The following USP21 variants were observed in gnomAD, a reference collection of about 807,000 sequenced individuals.
USP21 encodes ubiquitin specific peptidase 21.
Under a neutral mutation model 70.8 loss-of-function variants are expected in USP21, and 37 were observed. That is an observed-to-expected ratio of 0.52 (90% CI 0.40 to 0.69). USP21 has a LOEUF of 0.69. Among genes scored for constraint, USP21 ranks in the 30% least tolerant of loss-of-function variants. The pLI is 0.00. For missense variants in USP21, 584 were observed against 740.8 expected (o/e 0.79, Z 2.46); for synonymous variants, 263 against 283.1 (o/e 0.93, Z 0.71).
Position 161,161,403 on chromosome 1 carries a change from T to C in USP21, c.600+163T>C. On this transcript the variant is annotated intron_variant, in intron 3 of 13. Coordinates refer to ENST00000368002, the MANE Select transcript of USP21 (RefSeq NM_001014443.3). This position sits in a 1 kb window ranked among gnomAD's most constrained non-coding sequence, Gnocchi z 4.2. Reference sequence around the variant, plus strand: ...CTTGCTTAAATACCCTTGAGCCTCCTAGACCCTTTTTTGGGTTGTTGGTGA... The same window carrying C: ...CTTGCTTAAATACCCTTGAGCCTCCCAGACCCTTTTTTGGGTTGTTGGTGA... 1 of 898,546 alleles carries C rather than the reference T, an allele frequency of 1.1e-6. No individual in the cohort carries two copies. The highest frequency in any genetic ancestry group is 1.6e-6 in the Non-Finnish European group (1 of 612,666). 55.7% of individuals were successfully genotyped at this position (898,546 alleles called of 1,614,324 possible).
Position 161,164,562 on chromosome 1 carries a change from G to T in USP21, c.1334G>T (p.Arg445Leu). ...TGTGACCGATGTCGGCAGAAAACTC[G>T]AAGTACCAAAAAGTTGACAGTACAA... ...PVCDRCRQKT[R>L]STKKLTVQRF... Residue 445 changes from arginine to leucine, a missense_variant, in exon 11 of 14, where the codon CGA becomes CTA. By Grantham distance (102) the Arg-to-Leu change is moderately radical. This residue lies in a region of USP21 where 173 missense variants were observed against 268.2 expected (regional missense o/e 0.65). Transcript: ENST00000368002. The surrounding 1 kb of genome is among the most constrained non-coding windows in gnomAD (Gnocchi z 4.2). 1 of 1,614,140 alleles carries T rather than the reference G, an allele frequency of 6.2e-7. No homozygotes were observed. The highest frequency in any genetic ancestry group is 1.1e-5 in the South Asian group (1 of 91,086).
chr1:161,164,258 G>A lies in USP21; in HGVS notation c.1305+8G>A. 1 of 1,613,866 alleles carries A rather than the reference G, an allele frequency of 6.2e-7. No homozygotes were observed. Among genetic ancestry groups the A allele is most frequent in the Non-Finnish European group, 8.5e-7 (1 of 1,179,758 alleles). On this transcript the variant is annotated splice_region_variant and intron_variant, in intron 10 of 13. Transcript: ENST00000368002. The surrounding 1 kb of genome is among the most constrained non-coding windows in gnomAD (Gnocchi z 4.2). ...GAGTCGGAGAATGCCCCAGTATGTG[G>A]AGGTTCACAAGGGATACAGTAAGGG...
rs1031113402 is a variant in USP21, at chr1:161,159,603, A to AC, written c.-237dup. 1 of 149,418 alleles carries AC rather than the reference A, an allele frequency of 6.7e-6. No individual in the cohort carries two copies. Among genetic ancestry groups the AC allele is most frequent in the Non-Finnish European group, 1.5e-5 (1 of 67,654 alleles). The allele number at this position is 149,418 out of a possible 1,614,324, so 9.3% of individuals were successfully genotyped here. ...GCAGCCGGGCCCACGGGGGGGCTGC[A>AC]CGGGGGTAGTAGGGGGTGGCCCTGA... On this transcript the variant is annotated 5_prime_UTR_variant, in exon 1 of 14. An upstream open reading frame in the 5' UTR gains an earlier in-frame stop. Transcript: ENST00000368002.
chr1:161,162,576 A>T lies in USP21; in HGVS notation c.782-39A>T, dbSNP rs1252519945. 1 of 1,566,668 alleles carries T rather than the reference A, an allele frequency of 6.4e-7. No individual in the cohort carries two copies. Among genetic ancestry groups the T allele is most frequent in the Admixed American group, 1.7e-5 (1 of 59,680 alleles). ...CACCTTTTGCTTGCCTCTTCCAGAC[A>T]TTAACCTTTGTTTGCCTTCCCCACT... On this transcript the variant is annotated intron_variant, in intron 5 of 13. Transcript: ENST00000368002. The surrounding 1 kb of genome is among the most constrained non-coding windows in gnomAD (Gnocchi z 4.1).
rs1181881199 is a variant in USP21 at position 161,161,149 on chromosome 1, T to C, written c.509T>C (p.Phe170Ser). ...LGGFPGPPTL[F>S]SIRTEPPASH... ...GGCTTTCCTGGACCCCCTACCCTGT[T>C]CAGCATACGGACAGAGCCCCCTGCT... The change falls in exon 3 of 14, where the codon TTC becomes TCC. Residue 170 changes from phenylalanine to serine, a missense_variant. Around this residue, in one of 4 missense-constraint regions of USP21, gnomAD observed 284 missense variants for 281.0 expected, o/e 1.01. Coordinates refer to ENST00000368002, the MANE Select transcript of USP21 (RefSeq NM_001014443.3). This position sits in a 1 kb window ranked among gnomAD's most constrained non-coding sequence, Gnocchi z 4.2. 1 of 1,614,054 alleles carries C rather than the reference T, an allele frequency of 6.2e-7. No homozygotes were observed. The highest frequency in any genetic ancestry group is 1.1e-5 in the South Asian group (1 of 91,086).
Position 161,161,141 on chromosome 1 carries a change from T to C in USP21, c.501T>C (p.Pro167=), listed in dbSNP as rs369956021. 5.3e-5 allele frequency: 85 copies of C among 1,613,946 alleles called. No homozygotes were observed. The highest frequency in any genetic ancestry group is 7.2e-5 in the Non-Finnish European group (85 of 1,179,942). ...LRRLGGFPGP[P]TLFSIRTEPP... ...GCCTAGGGGGCTTTCCTGGACCCCC[T>C]ACCCTGTTCAGCATACGGACAGAGC... Residue 167 remains proline (P), a synonymous_variant, in exon 3 of 14, where the codon CCT becomes CCC. Coordinates refer to ENST00000368002, the MANE Select transcript of USP21 (RefSeq NM_001014443.3). The surrounding 1 kb of genome is among the most constrained non-coding windows in gnomAD (Gnocchi z 4.2).
At chr1:161,160,323 C>T (rs1250499762) in intron 1 of USP21, 43 bp from the exon 2 acceptor site, 1 of 384,502 alleles carries the variant, frequency 2.6e-6, no homozygotes, top group African/African-American at 2.0e-5. Context: ...TTTGTTTACC[C>T]AATAGATACT....
Position 161,165,530 on chromosome 1 carries a change from T to G in USP21, c.*83T>G. 1 of 527,300 alleles carries G rather than the reference T, an allele frequency of 1.9e-6. No individual in the cohort carries two copies. Among genetic ancestry groups the G allele is most frequent in the Non-Finnish European group, 3.0e-6 (1 of 329,188 alleles). 32.7% of individuals were successfully genotyped at this position (527,300 alleles called of 1,614,324 possible). ...CCGTTTACCTCAGAGACGTCTATTT[T>G]TGTGTCTTTTTAATCGGGGAGGGGG... On this transcript the variant is annotated 3_prime_UTR_variant, in exon 14 of 14. Transcript: ENST00000368002.
rs549204442 is a variant in USP21, at chr1:161,164,516, T to C, written c.1306-18T>C. The C allele has an allele frequency of 1.2e-5, 20 of 1,614,006 alleles. No individual in the cohort carries two copies. The highest frequency in any genetic ancestry group is 1.7e-5 in the Non-Finnish European group (20 of 1,180,034). On this transcript the variant is annotated intron_variant, in intron 10 of 13. Coordinates refer to ENST00000368002, the MANE Select transcript of USP21 (RefSeq NM_001014443.3). This position sits in a 1 kb window ranked among gnomAD's most constrained non-coding sequence, Gnocchi z 4.2. ...GGTTAGGAGCATATTAACCTAACAC[T>C]GTTTGCCATTTATTCAGGTGTGTGA...
In USP21 at chr1:161,164,641, C is replaced by T; in HGVS notation, c.1384+29C>T. 1 of 1,613,900 alleles carries T rather than the reference C, an allele frequency of 6.2e-7. No homozygotes were observed. Among genetic ancestry groups the T allele is most frequent in the South Asian group, 1.1e-5 (1 of 91,068 alleles). On this transcript the variant is annotated intron_variant, in intron 11 of 13. Transcript: ENST00000368002. This position sits in a 1 kb window ranked among gnomAD's most constrained non-coding sequence, Gnocchi z 4.2. ...TCCTAATCTTCAGATTCTTACTTCTCTTAGGATACCTCCCATACATTCTCT... is the reference window on the plus strand; with the variant it reads ...TCCTAATCTTCAGATTCTTACTTCTTTTAGGATACCTCCCATACATTCTCT...
chr1:161,160,629 G>A lies in USP21; in HGVS notation c.-12G>A, dbSNP rs1657830273. Reference sequence around the variant, plus strand: ...TCTCTTCTCCTCCCAGGTCCAGCCTGTGGTGTCCACAATGCCCCAGGCCTC... The same window carrying A: ...TCTCTTCTCCTCCCAGGTCCAGCCTATGGTGTCCACAATGCCCCAGGCCTC... On this transcript the variant is annotated 5_prime_UTR_variant, in exon 3 of 14. It adds an upstream start codon to the 5' untranslated region. Coordinates refer to ENST00000368002, the MANE Select transcript of USP21 (RefSeq NM_001014443.3). 2 of 1,608,646 alleles carry A rather than the reference G, an allele frequency of 1.2e-6. No homozygotes were observed. Among genetic ancestry groups the A allele is most frequent in the Admixed American group, 1.7e-5 (1 of 59,804 alleles).
chr1:161,164,489 G>A lies in USP21; in HGVS notation c.1306-45G>A. On this transcript the variant is annotated intron_variant, in intron 10 of 13. Transcript: ENST00000368002. The surrounding 1 kb of genome is among the most constrained non-coding windows in gnomAD (Gnocchi z 4.2). ...GATCGGGGTGTCAGAAAAGCCAATT[G>A]AGGTTAGGAGCATATTAACCTAACA... is the stretch of plus-strand genomic sequence containing the variant. 1.2e-6 allele frequency: 2 copies of A among 1,610,792 alleles called. No homozygotes were observed. Among genetic ancestry groups the A allele is most frequent in the Non-Finnish European group, 1.7e-6 (2 of 1,177,162 alleles).
rs1357318110 is a variant in USP21 at position 161,161,725 on chromosome 1, GT to G, written c.601-312del. 4.1e-6 allele frequency: 2 copies of G among 482,296 alleles called. No individual in the cohort carries two copies. 29.9% of individuals were successfully genotyped at this position (482,296 alleles called of 1,614,324 possible). Reference sequence around the variant, plus strand: ...TTTTGGGGGCAGAAAGGTGGGAGTGGTGAGCAGCTGGGCAACCATGCCGGTG... The same window carrying G: ...TTTTGGGGGCAGAAAGGTGGGAGTGGGAGCAGCTGGGCAACCATGCCGGTG... On this transcript the variant is annotated intron_variant, in intron 3 of 13. Coordinates refer to ENST00000368002, the MANE Select transcript of USP21 (RefSeq NM_001014443.3). This position sits in a 1 kb window ranked among gnomAD's most constrained non-coding sequence, Gnocchi z 4.2.
At chr1:161,159,867 T>G (rs964017515) in intron 1 of USP21, among the ~76,000 whole-genome samples, 189 bp downstream of exon 1, 1 of 152,162 alleles carries the variant, frequency 6.6e-6, no homozygotes, top group Non-Finnish European at 1.5e-5. Flanking sequence ...ATCAGCGGTC[T>G]CGGCCTTTCT....
chr1:161,160,792 C>G lies in USP21; in HGVS notation c.152C>G (p.Pro51Arg). The G allele has an allele frequency of 6.2e-7, 1 of 1,614,230 alleles. No individual in the cohort carries two copies. The highest frequency in any genetic ancestry group is 8.5e-7 in the Non-Finnish European group (1 of 1,180,052). The change falls in exon 3 of 14, where the codon CCT (proline) becomes CGT (arginine). Residue 51 changes from proline to arginine, a missense_variant. This residue lies in a region of USP21 where 284 missense variants were observed against 281.0 expected (regional missense o/e 1.01). Coordinates refer to ENST00000368002, the MANE Select transcript of USP21 (RefSeq NM_001014443.3). Reference protein sequence around the residue: ...PASGPNPMLRPLPPRPGLPDE... With the variant: ...PASGPNPMLRRLPPRPGLPDE... ...TCTGGGCCAAACCCCATGTTACGAC[C>G]TCTGCCTCCCCGGCCAGGTCTGCCT...
Position 161,160,787 on chromosome 1 carries a change from A to G in USP21, c.147A>G (p.Leu49=). 1.9e-6 allele frequency: 3 copies of G among 1,614,224 alleles called. No individual in the cohort carries two copies. Among genetic ancestry groups the G allele is most frequent in the Non-Finnish European group, 2.5e-6 (3 of 1,180,042 alleles). Reference sequence around the variant, plus strand: ...CAGCCTCTGGGCCAAACCCCATGTTACGACCTCTGCCTCCCCGGCCAGGTC... The same window carrying G: ...CAGCCTCTGGGCCAAACCCCATGTTGCGACCTCTGCCTCCCCGGCCAGGTC... The part of the protein sequence containing the change: ...RNPASGPNPM[L]RPLPPRPGLP... The change falls in exon 3 of 14, where the codon TTA becomes TTG. Residue 49 remains leucine, a synonymous_variant. Coordinates refer to ENST00000368002, the MANE Select transcript of USP21 (RefSeq NM_001014443.3).
chr1:161,162,068 C>A lies in USP21; in HGVS notation c.631C>A (p.His211Asn). The A allele has an allele frequency of 6.2e-7, 1 of 1,614,136 alleles. No individual in the cohort carries two copies. Among genetic ancestry groups the A allele is most frequent in the Non-Finnish European group, 8.5e-7 (1 of 1,180,014 alleles). ...AHHTLLLGSG[H>N]VGLRNLGNTC... Reference sequence around the variant, plus strand: ...TCACACACTCCTTCTGGGCTCTGGTCATGTTGGCCTTCGAAACCTGGGAAA... The same window carrying A: ...TCACACACTCCTTCTGGGCTCTGGTAATGTTGGCCTTCGAAACCTGGGAAA... Residue 211 changes from histidine to asparagine, a missense_variant, in exon 4 of 14, where the codon CAT becomes AAT. His to Asn is a moderately conservative substitution (Grantham distance 68, BLOSUM62 1). Coordinates refer to ENST00000368002, the MANE Select transcript of USP21 (RefSeq NM_001014443.3). The surrounding 1 kb of genome is among the most constrained non-coding windows in gnomAD (Gnocchi z 4.1).
intron 7 of USP21, 39 bp from the exon 8 acceptor site, chr1:161,163,516 G>C (rs1658116665): frequency 6.2e-7 from 1 of 1,605,784 alleles, no homozygotes; most frequent in South Asian, 1.1e-5. Context: ...TGTTCCTGCT[G>C]TCTCATGGGT....
At position 161,165,457 on chromosome 1, in the gene USP21, G is replaced by A. The variant is rs1476530479; in HGVS notation, c.*10G>A. On this transcript the variant is annotated 3_prime_UTR_variant, in exon 14 of 14. Coordinates refer to ENST00000368002, the MANE Select transcript of USP21 (RefSeq NM_001014443.3). ...ACCCCGGTGCCTGTGACACCTCTAA[G>A]CTCTGGCACCTGTGAAGCCCTTTAA... The A allele has an allele frequency of 2.5e-6, 4 of 1,609,432 alleles. No homozygotes were observed. Among genetic ancestry groups the A allele is most frequent in the Non-Finnish European group, 3.4e-6 (4 of 1,176,318 alleles).
Sources: gnomAD v4.1 joint callset for allele counts (sites outside exome capture counted in the v4.1 genomes callset) on GRCh38, gnomAD v4.1.1 for gene constraint, gnomAD v4.1.1 regional missense constraint, Gnocchi (gnomAD v3.1) non-coding constraint, MANE v1.5 for transcripts, NCBI Gene and HGNC (gene_info 2026-07-23, HGNC 2026-07-21) for gene names.